The following THSD7A variants were observed in gnomAD, a reference collection of about 807,000 sequenced individuals.
THSD7A encodes the protein thrombospondin type-1 domain-containing protein 7A.
THSD7A carries 96 observed loss-of-function variants against 231.3 expected under a neutral mutation model. The observed-to-expected ratio is 0.41, with a 90% CI of 0.35 to 0.49. The LOEUF (loss-of-function observed/expected upper bound fraction) is 0.49. THSD7A is among the 20% of genes least tolerant of loss of function. The pLI, the probability that THSD7A is intolerant of heterozygous loss-of-function variation, is 0.05. For missense variants in THSD7A, 2,290 were observed against 2,070.2 expected (o/e 1.11, Z -2.06); for synonymous variants, 940 against 743.3 (o/e 1.26, Z -4.30).
intron 1 of THSD7A, among the ~76,000 whole-genome samples, chr7:11,660,517 C>T (rs958789555): frequency 1.3e-5 from 2 of 151,268 alleles, no homozygotes; most frequent in Non-Finnish European, 3.0e-5. Context: ...AATAGAAAAA[C>T]AGTTCAAGAG....
At chr7:11,802,249 T>C (rs1261826827) in intron 1 of THSD7A, among the ~76,000 whole-genome samples, 1 of 152,206 alleles carries the variant, frequency 6.6e-6, no homozygotes, top group Non-Finnish European at 1.5e-5. Context: ...ACCCCTGCAT[T>C]ATCATTGTGA....
intron 13 of THSD7A, among the ~76,000 whole-genome samples, chr7:11,439,548 G>A (rs979697732): frequency 6.6e-6 from 1 of 151,966 alleles, no homozygotes; most frequent in African/African-American, 2.4e-5. Context: ...ACTTCTTGAA[G>A]GAAATTGAAA....
intron 8 of THSD7A, among the ~76,000 whole-genome samples, chr7:11,471,168 CTT>C (rs891893857): frequency 3.3e-5 from 5 of 151,836 alleles, no homozygotes; most frequent in Non-Finnish European, 7.4e-5. Flanking sequence ...TAACAAATAA[CTT>C]ATTCTGATTC....
At chr7:11,448,213 A>G (rs11971227) in intron 11 of THSD7A, among the ~76,000 whole-genome samples, 35,114 of 149,094 alleles carry the variant, frequency 0.24, 5,861 homozygotes, top group African/African-American at 0.47. Context: ...TATTTCGCCT[A>G]TGATATTGTT....
chr7:11,464,130 C>G lies in THSD7A; in HGVS notation c.2369-1987G>C, dbSNP rs78255188. 7.2e-4 allele frequency among the ~76,000 whole-genome samples: 109 copies of G among 151,738 alleles called. 1 individual carries two copies. In the East Asian group the frequency reaches 0.02, roughly 28 times the overall value. On this transcript the variant is annotated intron_variant, in intron 9 of 27. Coordinates refer to ENST00000423059, the MANE Select transcript of THSD7A (RefSeq NM_015204.3). ...CTTCTTTTACAATTTCTATTTTTTTCTTTTGTTTTATGTGTATGAACTGTC... is the reference window on the plus strand; with the variant it reads ...CTTCTTTTACAATTTCTATTTTTTTGTTTTGTTTTATGTGTATGAACTGTC...
chr7:11,507,773 T>C (rs913100865), intron 6 of THSD7A, among the ~76,000 whole-genome samples: 3 of 152,234 alleles, frequency 2.0e-5, no homozygotes, highest in African/African-American at 7.2e-5. Flanking sequence ...AAGGCTTTAA[T>C]GTATTATTCA....
intron 1 of THSD7A, among the ~76,000 whole-genome samples, chr7:11,754,628 T>C (rs1176405876): frequency 6.6e-6 from 1 of 152,100 alleles, no homozygotes; most frequent in Non-Finnish European, 1.5e-5. Context: ...TCACAGTTTT[T>C]CTATTTAAAC....
rs1781899887 is a variant in THSD7A, at chr7:11,637,209, C to T, written c.191-248G>A. ...TTCACTTTGGGTCCTTTAGGGATTA[C>T]GAAAAGTTTGGTTTTGTTCATTTCC... is the stretch of plus-strand genomic sequence containing the variant. On this transcript the variant is annotated intron_variant, in intron 1 of 27. Transcript: ENST00000423059. This position sits in a 1 kb window ranked among gnomAD's most constrained non-coding sequence, Gnocchi z 4.2. 6.6e-6 allele frequency among the ~76,000 whole-genome samples: 1 copy of T among 152,106 alleles called. No individual in the cohort carries two copies.
At chr7:11,462,273 G>A (rs1000795384) in intron 9 of THSD7A, 130 bp from the exon 10 acceptor site, 1 of 903,740 alleles carries the variant, frequency 1.1e-6, no homozygotes, top group Non-Finnish European at 1.6e-6. Context: ...GCTTCACCTG[G>A]TCTAAACATT....
At chr7:11,781,554 A>G (rs1221391688) in intron 1 of THSD7A, among the ~76,000 whole-genome samples, 1 of 152,212 alleles carries the variant, frequency 6.6e-6, no homozygotes, top group East Asian at 1.9e-4. Context: ...ACTTGTCCCC[A>G]GAAGTCTATT....
chr7:11,602,239 TATG>T (rs1475196562), intron 2 of THSD7A, among the ~76,000 whole-genome samples: 4 of 152,204 alleles, frequency 2.6e-5, no homozygotes, highest in Middle Eastern at 3.4e-3. Context: ...TAAAGAAAAA[TATG>T]ATATTATATG....
chr7:11,377,294 C>T lies in THSD7A; in HGVS notation c.4802-637G>A, dbSNP rs1411502356. Among the ~76,000 whole-genome samples, 1 of 151,882 alleles carries T rather than the reference C, an allele frequency of 6.6e-6. No homozygotes were observed. Among genetic ancestry groups the T allele is most frequent in the Non-Finnish European group, 1.5e-5 (1 of 67,928 alleles). ...TTCTACCTTTTCTATTATATGGAATCAGACATAACAGGAACTTTTGTAATT... is the reference window on the plus strand; with the variant it reads ...TTCTACCTTTTCTATTATATGGAATTAGACATAACAGGAACTTTTGTAATT... On this transcript the variant is annotated intron_variant, in intron 26 of 27. Transcript: ENST00000423059. The surrounding 1 kb of genome is among the most constrained non-coding windows in gnomAD (Gnocchi z 4.5).
chr7:11,540,916 G>C (rs901248956), intron 6 of THSD7A, among the ~76,000 whole-genome samples: 2 of 152,150 alleles, frequency 1.3e-5, no homozygotes, highest in African/African-American at 4.8e-5. Flanking sequence ...AGGAACTCTA[G>C]GCTGTGGTAG....
At chr7:11,718,926 T>C (rs1781244596) in intron 1 of THSD7A, among the ~76,000 whole-genome samples, 1 of 151,194 alleles carries the variant, frequency 6.6e-6, no homozygotes. Context: ...GGGACAATTA[T>C]GAAAAACAAA....
intron 11 of THSD7A, among the ~76,000 whole-genome samples, chr7:11,448,997 G>C (rs1452100718): frequency 6.6e-6 from 1 of 152,038 alleles, no homozygotes; most frequent in African/African-American, 2.4e-5. Context: ...GTCTCAAAGA[G>C]AATCTACCCC....
chr7:11,380,875 G>A (rs749626649), intron 24 of THSD7A, among the ~76,000 whole-genome samples: 4 of 152,114 alleles, frequency 2.6e-5, no homozygotes, highest in African/African-American at 9.7e-5. Flanking sequence ...GAATTGAAAA[G>A]AAATTAAAAA....
At chr7:11,562,057 T>A (rs1041121674) in intron 4 of THSD7A, among the ~76,000 whole-genome samples, 1 of 152,174 alleles carries the variant, frequency 6.6e-6, no homozygotes, top group African/African-American at 2.4e-5. Flanking sequence ...TAGAATGATA[T>A]AAGTTTTCAA....
chr7:11,555,635 T>C lies in THSD7A; in HGVS notation c.1454-12518A>G, dbSNP rs1327505771. Among the ~76,000 whole-genome samples the C allele has an allele frequency of 2.0e-5, 3 of 151,884 alleles. No individual in the cohort carries two copies. In the East Asian group the frequency reaches 5.8e-4, roughly 29 times the overall value. On this transcript the variant is annotated intron_variant, in intron 4 of 27. Coordinates refer to ENST00000423059, the MANE Select transcript of THSD7A (RefSeq NM_015204.3). ...GCTGATTTTCGTCCTAATTATTCTA[T>C]GAAGTGTTGGGAGTAAGGTATTGTC... is the stretch of plus-strand genomic sequence containing the variant.
At chr7:11,720,135 T>C (rs544864442) in intron 1 of THSD7A, among the ~76,000 whole-genome samples, 71 of 151,880 alleles carry the variant, frequency 4.7e-4, no homozygotes, top group African/African-American at 1.6e-3. Flanking sequence ...TGAACGTCCA[T>C]AGATCTTTCA....
Sources: allele counts gnomAD v4.1 joint callset (sites outside exome capture counted in the v4.1 genomes callset), GRCh38; gene constraint gnomAD v4.1.1; non-coding constraint Gnocchi (gnomAD v3.1); transcripts MANE v1.5; gene names NCBI Gene and HGNC (gene_info 2026-07-23, HGNC 2026-07-21).